Variants in EP400 observed in about 807,000 individuals in gnomAD.
EP400 encodes E1A binding protein p400.
A neutral mutation model predicts 354.1 loss-of-function variants in EP400; 105 were observed. The ratio of observed to expected loss-of-function variants is 0.30; its 90% CI spans 0.25 to 0.35. The LOEUF (loss-of-function observed/expected upper bound fraction) is 0.35, where lower values mean the gene tolerates loss of function less well. EP400 is among the 10% of genes least tolerant of loss of function. The pLI, the probability that EP400 is intolerant of heterozygous loss-of-function variation, is 1.00. For missense variants in EP400, 3,280 were observed against 4,121.0 expected, an observed-to-expected ratio of 0.80 and a Z score of 5.59; for synonymous variants, 1,646 against 1,716.9, an observed-to-expected ratio of 0.96 and a Z score of 1.02.
At chr12:131,950,196 GA>G (rs1160606518) in intron 1 of EP400, among the ~76,000 whole-genome samples, 160 bp downstream of exon 1, 1 of 151,910 alleles carries the variant, frequency 6.6e-6, no homozygotes, top group Non-Finnish European at 1.5e-5. Flanking sequence ...TGTCGTGAGC[GA>G]CCCCGGGCGG....
At chr12:132,068,014 C>T (rs1294993634) in intron 50 of EP400, 1 of 153,942 alleles carries the variant, frequency 6.5e-6, no homozygotes, top group Non-Finnish European at 1.4e-5. Flanking sequence ...CGTCTACAGT[C>T]TCAGCCAGCT....
At chr12:132,019,868 G>A (rs1284978011) in intron 21 of EP400, among the ~76,000 whole-genome samples, 181 bp from the exon 22 acceptor site, 2 of 152,118 alleles carry the variant, frequency 1.3e-5, no homozygotes, top group Non-Finnish European at 2.9e-5. Flanking sequence ...CCGGGCCCGG[G>A]GTGAGCTTAC....
chr12:132,006,358 C>T, intron 14 of EP400, 56 bp downstream of exon 14: 5 of 1,556,374 alleles, frequency 3.2e-6, no homozygotes, highest in Non-Finnish European at 4.4e-6. Flanking sequence ...GAGCACATAG[C>T]TTAGCCATGA....
chr12:132,028,346 A>G (rs1261387881), intron 27 of EP400, 58 bp downstream of exon 27: 3 of 1,584,114 alleles, frequency 1.9e-6, no homozygotes, highest in Admixed American at 3.4e-5. Flanking sequence ...CCCCGGCAAG[A>G]CCCCTTCTTG....
chr12:131,985,907 C>T (rs1157678235), intron 5 of EP400, among the ~76,000 whole-genome samples: 1 of 152,188 alleles, frequency 6.6e-6, no homozygotes, highest in Non-Finnish European at 1.5e-5. Flanking sequence ...TGCGCCTGGC[C>T]TGAGGAGGAT....
At chr12:132,036,864 G>A (rs1053891144) in intron 30 of EP400, among the ~76,000 whole-genome samples, 1 of 152,250 alleles carries the variant, frequency 6.6e-6, no homozygotes, top group African/African-American at 2.4e-5. Context: ...CCTTTATCAC[G>A]TATTTAGTTC....
rs1308551785 is a variant in EP400, at chr12:132,013,970, C to T, written c.3923+57C>T. ...TGCTGTCCCTGCCTGTGAGGGAAAA[C>T]GGCCCTTTCTGTGGCCTCAGCAGAA... On this transcript the variant is annotated intron_variant, in intron 19 of 52. Coordinates refer to ENST00000389561, the MANE Select transcript of EP400 (RefSeq NM_015409.5). This position sits in a 1 kb window ranked among gnomAD's most constrained non-coding sequence, Gnocchi z 4.5. The T allele has an allele frequency of 1.4e-5, 22 of 1,592,038 alleles. No individual in the cohort carries two copies. In the East Asian group the frequency reaches 2.9e-4, roughly 21 times the overall value.
At chr12:131,985,415 C>T (rs762954079) in intron 5 of EP400, among the ~76,000 whole-genome samples, 15 of 152,238 alleles carry the variant, frequency 9.9e-5, no homozygotes, top group Non-Finnish European at 1.6e-4. Flanking sequence ...GTGAAGAAAG[C>T]AGACCCACGT....
At chr12:132,062,413 C>G (rs1192567685) in intron 46 of EP400, 53 bp from the exon 47 acceptor site, 2 of 1,610,458 alleles carry the variant, frequency 1.2e-6, no homozygotes, top group Middle Eastern at 1.6e-4. Context: ...GAATGAGGAT[C>G]TGAAGGTGGG....
chr12:132,001,955 T>C (rs1352255383), intron 12 of EP400, among the ~76,000 whole-genome samples: 2 of 152,238 alleles, frequency 1.3e-5, no homozygotes, highest in Non-Finnish European at 2.9e-5. Flanking sequence ...GTTTTATATA[T>C]TTTATTACAC....
In EP400 at chr12:131,990,532, C is replaced by A; in HGVS notation, c.2551-104C>A. The A allele has an allele frequency of 1.2e-6, 1 of 852,212 alleles. No individual in the cohort carries two copies. Among genetic ancestry groups the A allele is most frequent in the Non-Finnish European group, 1.8e-6 (1 of 542,570 alleles). The allele number at this position is 852,212 out of a possible 1,614,324, so 52.8% of individuals were successfully genotyped here. A position where few individuals can be genotyped will look rare whatever the true frequency, so the allele number is the denominator to read the frequency against. On this transcript the variant is annotated intron_variant, in intron 8 of 52. Transcript: ENST00000389561. The surrounding 1 kb of genome is among the most constrained non-coding windows in gnomAD (Gnocchi z 4.2). ...GCACCAAACTGACGAGGCTGGAAAA[C>A]ACTGTTTTCAGACTCTGCTTATGTG... is the stretch of plus-strand genomic sequence containing the variant.
rs753776315 is a variant in EP400, at chr12:132,044,886, C to T, written c.6717C>T (p.Ile2239=). The change falls in exon 37 of 53, where the codon ATC becomes ATT. Residue 2239 remains isoleucine (I), a synonymous_variant. Transcript: ENST00000389561. ...VMCLMYEATP[I]PEAKLPPVYV... ...GTCTCATGTATGAAGCCACTCCCATCCCAGAGGCTAAGCTGCCCCCTGTGT... is the reference window on the plus strand; with the variant it reads ...GTCTCATGTATGAAGCCACTCCCATTCCAGAGGCTAAGCTGCCCCCTGTGT... 6.2e-7 allele frequency: 1 copy of T among 1,614,224 alleles called. No individual in the cohort carries two copies. Among genetic ancestry groups the T allele is most frequent in the South Asian group, 1.1e-5 (1 of 91,090 alleles).
intron 2 of EP400, among the ~76,000 whole-genome samples, chr12:131,971,581 T>G (rs2136478381): frequency 6.6e-6 from 1 of 152,332 alleles, no homozygotes; most frequent in African/African-American, 2.4e-5. Flanking sequence ...ATGGCTGTAA[T>G]AGTTTACATT....
chr12:132,044,209 G>A lies in EP400; in HGVS notation c.6483G>A (p.Glu2161=). 8 of 1,614,258 alleles carry A rather than the reference G, an allele frequency of 5.0e-6. No individual in the cohort carries two copies. The highest frequency in any genetic ancestry group is 6.8e-6 in the Non-Finnish European group (8 of 1,180,050). The change falls in exon 35 of 53, where the codon GAG becomes GAA. Residue 2161 remains glutamate, a synonymous_variant. Transcript: ENST00000389561. Reference sequence around the variant, plus strand: ...TGATGACTGCAGTGAGGGCATGGGAGTTCTGGAACCTGAAGACCCTGCAGG... The same window carrying A: ...TGATGACTGCAGTGAGGGCATGGGAATTCTGGAACCTGAAGACCCTGCAGG... ...DAVMTAVRAW[E]FWNLKTLQER...
At chr12:131,991,542 A>T in intron 10 of EP400, 86 bp downstream of exon 10, 1 of 1,171,570 alleles carries the variant, frequency 8.5e-7, no homozygotes, top group Non-Finnish European at 1.3e-6. Context: ...ATCCAGAGGA[A>T]TTTGTAGGCT....
At chr12:132,012,425 C>G (rs530486858) in intron 16 of EP400, among the ~76,000 whole-genome samples, 2 of 152,040 alleles carry the variant, frequency 1.3e-5, no homozygotes, top group African/African-American at 2.4e-5. Flanking sequence ...GGGGACATGG[C>G]GGAAGGGATG....
Position 132,029,743 on chromosome 12 carries a change from C to T in EP400, c.5424C>T (p.Ser1808=), listed in dbSNP as rs58319354. The T allele has an allele frequency of 5.0e-6, 8 of 1,613,134 alleles. No homozygotes were observed. Among genetic ancestry groups the T allele is most frequent in the Admixed American group, 1.7e-5 (1 of 60,014 alleles). ...VIPPVVAAPP[S]LRVPRPPPLY... is the part of the protein sequence containing the mutation. ...CTCCGGTGGTGGCAGCACCCCCGTCCCTACGGGTGCCGCGGCCGCCACCCC... is the reference window on the plus strand; with the variant it reads ...CTCCGGTGGTGGCAGCACCCCCGTCTCTACGGGTGCCGCGGCCGCCACCCC... The change falls in exon 28 of 53, where the codon TCC becomes TCT. Residue 1808 remains serine, a synonymous_variant. Coordinates refer to ENST00000389561, the MANE Select transcript of EP400 (RefSeq NM_015409.5). The surrounding 1 kb of genome is among the most constrained non-coding windows in gnomAD (Gnocchi z 4.7).
At chr12:131,991,877 G>A (rs965198864) in intron 10 of EP400, among the ~76,000 whole-genome samples, 16 of 152,088 alleles carry the variant, frequency 1.1e-4, no homozygotes, top group African/African-American at 3.6e-4. Context: ...GTGAGCTACC[G>A]TGCCCCGCCT....
Position 132,080,321 on chromosome 12 carries a change from TTG to T in EP400, c.*2652_*2653del, listed in dbSNP as rs1488705377. The T allele has an allele frequency of 6.6e-6, 1 of 152,638 alleles. No individual in the cohort carries two copies. Among genetic ancestry groups the T allele is most frequent in the Non-Finnish European group, 1.5e-5 (1 of 68,038 alleles). 9.5% of individuals were successfully genotyped at this position (152,638 alleles called of 1,614,324 possible). On this transcript the variant is annotated 3_prime_UTR_variant, in exon 53 of 53. Transcript: ENST00000389561. ...GTTAACTGTTGTAACCAGTTAGCTG[TTG>T]TGTTTTAAGATAGAAAGGAACAAGA... is the stretch of plus-strand genomic sequence containing the variant.
Sources: gnomAD v4.1 joint callset for allele counts (sites outside exome capture counted in the v4.1 genomes callset) on GRCh38, gnomAD v4.1.1 for gene constraint, Gnocchi (gnomAD v3.1) non-coding constraint, MANE v1.5 for transcripts, NCBI Gene and HGNC (gene_info 2026-07-23, HGNC 2026-07-21) for gene names.